DCAF6: variants seen among roughly 807,000 people sequenced by gnomAD.
DCAF6 encodes DDB1 and CUL4 associated factor 6, also known as DDB1- and CUL4-associated factor 6.
DCAF6 carries 54 observed loss-of-function variants against 125.1 expected under a neutral mutation model. The ratio of observed to expected loss-of-function variants is 0.43; its 90% CI spans 0.35 to 0.54. The LOEUF is 0.54. DCAF6 is among the 20% of genes least tolerant of loss of function. DCAF6 has a pLI of 0.01. For missense variants in DCAF6, 934 were observed against 1,161.7 expected, an observed-to-expected ratio of 0.80 and a Z score of 2.85; for synonymous variants, 371 against 390.4, an observed-to-expected ratio of 0.95 and a Z score of 0.58.
At chr1:167,965,343 C>T (rs10800333) in intron 2 of DCAF6, among the ~76,000 whole-genome samples, 21,134 of 151,970 alleles carry the variant, frequency 0.14, 1,940 homozygotes, top group African/African-American at 0.26. Flanking sequence ...TTCCCCAATG[C>T]GGAAGGCTGG....
At chr1:167,961,066 A>G (rs1675514870) in intron 2 of DCAF6, among the ~76,000 whole-genome samples, 1 of 152,100 alleles carries the variant, frequency 6.6e-6, no homozygotes, top group Admixed American at 6.5e-5. Flanking sequence ...TATTTCATTC[A>G]ATTTATACCT....
At chr1:167,891,119 G>T in the DCAF6 span, among the ~76,000 whole-genome samples, 1 of 151,944 alleles carries the variant, frequency 6.6e-6, no homozygotes, top group Admixed American at 6.6e-5. Context: ...GTGCCACCGC[G>T]CCTGGCTAAT....
chr1:167,889,791 A>T, the DCAF6 span, among the ~76,000 whole-genome samples: 24 of 152,298 alleles, frequency 1.6e-4, no homozygotes, highest in East Asian at 2.7e-3. Context: ...GAGTTTATAC[A>T]TTTCTTCTAG....
the DCAF6 span, among the ~76,000 whole-genome samples, chr1:167,890,591 A>G: frequency 2.6e-5 from 2 of 77,248 alleles, no homozygotes; most frequent in African/African-American, 1.1e-4. Flanking sequence ...AGGCTCTAGC[A>G]CTCTACAATC....
chr1:168,073,505 G>A (rs1304609108), intron 21 of DCAF6, among the ~76,000 whole-genome samples: 2 of 151,980 alleles, frequency 1.3e-5, no homozygotes, highest in East Asian at 3.9e-4. Context: ...TAAGACTCTT[G>A]GCCCTCATTT....
At chr1:168,036,368 TC>T (rs765010948) in intron 12 of DCAF6, among the ~76,000 whole-genome samples, 3 of 152,214 alleles carry the variant, frequency 2.0e-5, no homozygotes, top group African/African-American at 4.8e-5. Context: ...TCTGAGAAAT[TC>T]AGTCTTACAC....
chr1:167,901,114 G>T, the DCAF6 span, among the ~76,000 whole-genome samples: 17 of 152,280 alleles, frequency 1.1e-4, no homozygotes, highest in African/African-American at 4.1e-4. Context: ...CACGTGCATA[G>T]TGTGTAATGT....
At chr1:167,937,039 A>T in intron 1 of DCAF6, 31 bp downstream of exon 1, 1 of 1,572,038 alleles carries the variant, frequency 6.4e-7, no homozygotes, top group Non-Finnish European at 8.7e-7. Context: ...GGAGGCGCTG[A>T]GGTCGCCGCC....
At chr1:168,009,345 C>CCCTTCCTCCCTTCCTTCCTTCCTT (rs1683858548) in intron 10 of DCAF6, among the ~76,000 whole-genome samples, 1 of 127,818 alleles carries the variant, frequency 7.8e-6, no homozygotes, top group Admixed American at 7.9e-5. Context: ...CTTCCTTCCT[C>CCCTTCCTCCCTTCCTTCCTTCCTT]CCTTCCTTCC....
chr1:167,910,172 CTCG>C, the DCAF6 span, among the ~76,000 whole-genome samples: 3 of 152,210 alleles, frequency 2.0e-5, no homozygotes, highest in Admixed American at 1.3e-4. Context: ...TTGTCTGTGG[CTCG>C]TCCTGCTACA....
chr1:167,979,713 C>T (rs767475854), intron 4 of DCAF6, among the ~76,000 whole-genome samples: 9 of 151,954 alleles, frequency 5.9e-5, no homozygotes, highest in African/African-American at 1.9e-4. Context: ...AAGATGAAAC[C>T]GTGCCTCTAT....
intron 1 of DCAF6, among the ~76,000 whole-genome samples, chr1:167,938,394 T>C (rs1671681948): frequency 6.6e-6 from 1 of 152,218 alleles, no homozygotes; most frequent in Non-Finnish European, 1.5e-5. Context: ...TCTTTTAAAT[T>C]ATTACATAGT....
At chr1:168,073,913 C>T (rs968554193) in intron 21 of DCAF6, among the ~76,000 whole-genome samples, 2 of 147,910 alleles carry the variant, frequency 1.4e-5, no homozygotes, top group Non-Finnish European at 3.0e-5. Flanking sequence ...CCTTACTGAT[C>T]TATAAAGGTC....
intron 12 of DCAF6, among the ~76,000 whole-genome samples, chr1:168,031,620 T>C (rs1042100505): frequency 6.6e-6 from 1 of 152,226 alleles, no homozygotes; most frequent in African/African-American, 2.4e-5. Context: ...CTACCTCATT[T>C]GTTTTCACTT....
At chr1:167,901,006 C>T in the DCAF6 span, among the ~76,000 whole-genome samples, 1 of 152,176 alleles carries the variant, frequency 6.6e-6, no homozygotes, top group Non-Finnish European at 1.5e-5. Flanking sequence ...AACTCTGTTA[C>T]TCATTACTTA....
the DCAF6 span, among the ~76,000 whole-genome samples, chr1:167,923,805 A>G: frequency 6.6e-6 from 1 of 152,092 alleles, no homozygotes; most frequent in Non-Finnish European, 1.5e-5. Flanking sequence ...CCACATCTAG[A>G]GTTTCAGATT....
intron 12 of DCAF6, among the ~76,000 whole-genome samples, chr1:168,035,104 A>G (rs1052112730): frequency 6.6e-6 from 1 of 152,168 alleles, no homozygotes; most frequent in Admixed American, 6.5e-5. Flanking sequence ...AGTGAAATGG[A>G]AAAAGGCTAG....
chr1:168,006,229 T>G (rs1388809668), intron 10 of DCAF6, among the ~76,000 whole-genome samples: 1 of 152,204 alleles, frequency 6.6e-6, no homozygotes, highest in Non-Finnish European at 1.5e-5. Flanking sequence ...GCTAAATTCC[T>G]TTCAATATTT....
chr1:167,940,409 C>T (rs955853022), intron 1 of DCAF6, among the ~76,000 whole-genome samples: 1 of 151,824 alleles, frequency 6.6e-6, no homozygotes, highest in Non-Finnish European at 1.5e-5. Flanking sequence ...CAGGGTTTTG[C>T]TCTGTCTCCC....
Sources: allele counts gnomAD v4.1 joint callset (sites outside exome capture counted in the v4.1 genomes callset), GRCh38; gene constraint gnomAD v4.1.1; transcripts MANE v1.5; gene names NCBI Gene and HGNC (gene_info 2026-07-23, HGNC 2026-07-21).